The following ANKRD34B variants were observed in gnomAD, a reference collection of about 807,000 sequenced individuals.
The protein encoded by ANKRD34B is ankyrin repeat domain-containing protein 34B.
ANKRD34B carries 2 observed loss-of-function variants against 4.4 expected under a neutral mutation model. That is an observed-to-expected ratio of 0.46 (90% confidence interval 0.19 to 1.44). The LOEUF (loss-of-function observed/expected upper bound fraction) is 1.44. Among genes scored for constraint, ANKRD34B ranks in the 40% most tolerant of loss-of-function variants. The pLI is 0.26. For synonymous variants in ANKRD34B, 226 were observed against 227.1 expected, an observed-to-expected ratio of 0.99 and a Z score of 0.05; for missense variants, 558 against 604.7, an observed-to-expected ratio of 0.92 and a Z score of 0.81.
In ANKRD34B at chr5:80,558,455, A is replaced by G. The variant is rs766335852; in HGVS notation, c.*20T>C. On this transcript the variant is annotated 3_prime_UTR_variant, in exon 5 of 5. Coordinates refer to ENST00000338682, the MANE Select transcript of ANKRD34B (RefSeq NM_001004441.3). ...TCTCTGATATAAACATTTGAAGAAG[A>G]TGTGTTTTATACCCATCTCCTAGAA... 2 of 1,487,174 alleles carry G rather than the reference A, an allele frequency of 1.3e-6. No homozygotes were observed. Among genetic ancestry groups the G allele is most frequent in the South Asian group, 1.2e-5 (1 of 82,312 alleles). 92.1% of individuals were successfully genotyped at this position (1,487,174 alleles called of 1,614,324 possible).
In ANKRD34B at chr5:80,559,509, G is replaced by A; in HGVS notation, c.511C>T (p.Pro171Ser). The change falls in exon 5 of 5, where the codon CCT becomes TCT. Residue 171 changes from proline (P) to serine (S), a missense_variant. Transcript: ENST00000338682. ...GAATGACACCCATCTATATCCACAG[G>A]AGGCATATTTAAGTATTGTTTAGTA... ...HTTKQYLNMP[P>S]VDIDGCHSPA... 1.2e-6 allele frequency: 2 copies of A among 1,614,216 alleles called. No individual in the cohort carries two copies. The highest frequency in any genetic ancestry group is 1.7e-6 in the Non-Finnish European group (2 of 1,180,048).
chr5:80,568,585 G>T (rs893881801), intron 2 of ANKRD34B, among the ~76,000 whole-genome samples: 2 of 152,162 alleles, frequency 1.3e-5, no homozygotes, highest in African/African-American at 4.8e-5. Flanking sequence ...AATAAGGCAA[G>T]CCTGCTTGCC....
chr5:80,559,025 T>C lies in ANKRD34B; in HGVS notation c.995A>G (p.Asn332Ser). The C allele has an allele frequency of 6.2e-7, 1 of 1,614,256 alleles. No individual in the cohort carries two copies. The highest frequency in any genetic ancestry group is 8.5e-7 in the Non-Finnish European group (1 of 1,180,050). Residue 332 changes from asparagine (N) to serine (S), a missense_variant, in exon 5 of 5, where the codon AAT becomes AGT. Transcript: ENST00000338682. ...INCQSYLSEG[N>S]QQCIEVPVDQ... ...AACAGGGACTTCAATGCATTGCTGATTTCCTTCTGAAAGATAAGATTGACA... is the reference window on the plus strand; with the variant it reads ...AACAGGGACTTCAATGCATTGCTGACTTCCTTCTGAAAGATAAGATTGACA...
At chr5:80,560,554 A>G (rs996148300) in intron 4 of ANKRD34B, among the ~76,000 whole-genome samples, 3 of 152,118 alleles carry the variant, frequency 2.0e-5, no homozygotes, top group Non-Finnish European at 4.4e-5. Context: ...CCAGCTACTC[A>G]GGAGACTGAG....
rs994937034 is a variant in ANKRD34B, at chr5:80,569,024, C to A, written c.-255G>T. On this transcript the variant is annotated 5_prime_UTR_variant, in exon 2 of 5. Transcript: ENST00000338682. ...TCCAAGCTGTTGAGGATGCTGGCAGCGTCTCCACGGTCCCCGCCGACCCCT... is the reference window on the plus strand; with the variant it reads ...TCCAAGCTGTTGAGGATGCTGGCAGAGTCTCCACGGTCCCCGCCGACCCCT... 6.6e-6 allele frequency: 1 copy of A among 151,950 alleles called. No individual in the cohort carries two copies. Among genetic ancestry groups the A allele is most frequent in the Non-Finnish European group, 1.5e-5 (1 of 68,170 alleles). 9.4% of individuals were successfully genotyped at this position (151,950 alleles called of 1,614,324 possible).
intron 2 of ANKRD34B, among the ~76,000 whole-genome samples, chr5:80,567,596 G>A (rs249204): frequency 0.54 from 67,705 of 124,560 alleles, 19,245 homozygotes; most frequent in East Asian, 0.95. Context: ...ACTCCAGCCC[G>A]GGTGACAAAA....
intron 2 of ANKRD34B, among the ~76,000 whole-genome samples, chr5:80,567,621 C>CAAAAAAAAAAAAAAAAAAAAAA (rs111603222): frequency 2.0e-3 from 102 of 50,316 alleles, no homozygotes; most frequent in East Asian, 6.3e-3. Context: ...GACTCCGTCT[C>CAAAAAAAAAAAAAAAAAAAAAA]AAAAAAAAAA....
chr5:80,563,895 AT>A (rs1746483662), intron 3 of ANKRD34B, 80 bp from the exon 4 acceptor site: 1 of 152,226 alleles, frequency 6.6e-6, no homozygotes, highest in South Asian at 2.1e-4. Context: ...GGCTTAATAG[AT>A]CATAGAAATG....
chr5:80,562,586 A>G (rs1356158120), intron 4 of ANKRD34B, among the ~76,000 whole-genome samples: 1 of 152,220 alleles, frequency 6.6e-6, no homozygotes, highest in African/African-American at 2.4e-5. Context: ...CTCAGCCCTC[A>G]GGGATAAATT....
chr5:80,568,925 C>CACACACACACACACACACACACACAGAG, intron 2 of ANKRD34B, 35 bp downstream of exon 2: 42 of 49,882 alleles, frequency 8.4e-4, no homozygotes, highest in Admixed American at 1.5e-3. Flanking sequence ...CACACACACA[C>CACACACACACACACACACACACACAGAG]AGAGAGAGAG....
Position 80,557,348 on chromosome 5 carries a change from A to G in ANKRD34B, c.*1127T>C, listed in dbSNP as rs934141724. ...AAATACTAAATGATTGGAATGTCAC[A>G]CTAAGGAAGTTATCCTTAATATATA... is the stretch of plus-strand genomic sequence containing the variant. On this transcript the variant is annotated 3_prime_UTR_variant, in exon 5 of 5. Coordinates refer to ENST00000338682, the MANE Select transcript of ANKRD34B (RefSeq NM_001004441.3). 2 of 152,090 alleles carry G rather than the reference A, an allele frequency of 1.3e-5. No homozygotes were observed. Among genetic ancestry groups the G allele is most frequent in the African/African-American group, 4.8e-5 (2 of 41,446 alleles). 9.4% of individuals were successfully genotyped at this position (152,090 alleles called of 1,614,324 possible).
At chr5:80,561,194 A>C (rs1746395136) in intron 4 of ANKRD34B, among the ~76,000 whole-genome samples, 1 of 152,226 alleles carries the variant, frequency 6.6e-6, no homozygotes, top group South Asian at 2.1e-4. Context: ...TTCCTTCAAC[A>C]GATAATTCCA....
At chr5:80,565,109 A>C (rs1366869519) in intron 3 of ANKRD34B, among the ~76,000 whole-genome samples, 1 of 152,262 alleles carries the variant, frequency 6.6e-6, no homozygotes, top group Non-Finnish European at 1.5e-5. Context: ...CAAATGTACA[A>C]TACATGTTCA....
At chr5:80,562,987 C>T (rs1338656010) in intron 4 of ANKRD34B, among the ~76,000 whole-genome samples, 3 of 151,686 alleles carry the variant, frequency 2.0e-5, no homozygotes, top group South Asian at 2.1e-4. Context: ...ACATATTAAT[C>T]GGAAAAATGA....
At chr5:80,560,881 TGTTTG>T (rs1275976979) in intron 4 of ANKRD34B, among the ~76,000 whole-genome samples, 1 of 152,202 alleles carries the variant, frequency 6.6e-6, no homozygotes, top group Admixed American at 6.5e-5. Context: ...GACGAAATAT[TGTTTG>T]GGCTACAACG....
intron 4 of ANKRD34B, among the ~76,000 whole-genome samples, chr5:80,560,556 G>T (rs1351977829): frequency 2.0e-5 from 3 of 152,104 alleles, no homozygotes; most frequent in Non-Finnish European, 2.9e-5. Context: ...AGCTACTCAG[G>T]AGACTGAGGC....
At chr5:80,562,436 A>G (rs1487273121) in intron 4 of ANKRD34B, among the ~76,000 whole-genome samples, 1 of 152,162 alleles carries the variant, frequency 6.6e-6, no homozygotes, top group East Asian at 1.9e-4. Flanking sequence ...ATGATGAAAC[A>G]GAGCATCTCT....
At chr5:80,565,295 C>A (rs1207451691) in intron 3 of ANKRD34B, among the ~76,000 whole-genome samples, 2 of 152,230 alleles carry the variant, frequency 1.3e-5, no homozygotes, top group African/African-American at 4.8e-5. Context: ...AAGACCACTT[C>A]TCTTGCCTAG....
rs1359866910 is a variant in ANKRD34B, at chr5:80,570,278, A to G, written c.-463T>C. On this transcript the variant is annotated 5_prime_UTR_variant, in exon 1 of 5. Coordinates refer to ENST00000338682, the MANE Select transcript of ANKRD34B (RefSeq NM_001004441.3). ...GGTCTTCGGCTCCTCGGCGCCTCGA[A>G]TCGCAGATCTCGGTAGATGCCGCCC... is the stretch of plus-strand genomic sequence containing the variant. 6.6e-6 allele frequency: 1 copy of G among 152,082 alleles called. No homozygotes were observed. The highest frequency in any genetic ancestry group is 1.5e-5 in the Non-Finnish European group (1 of 68,036). 9.4% of individuals were successfully genotyped at this position (152,082 alleles called of 1,614,324 possible). A position where few individuals can be genotyped will look rare whatever the true frequency, so the allele number is the denominator to read the frequency against.
Sources: gnomAD v4.1 joint callset for allele counts (sites outside exome capture counted in the v4.1 genomes callset) on GRCh38, gnomAD v4.1.1 for gene constraint, MANE v1.5 for transcripts, NCBI Gene and HGNC (gene_info 2026-07-23, HGNC 2026-07-21) for gene names.